Variants in MLLT1 observed in about 807,000 individuals in gnomAD.
MLLT1 encodes protein ENL.
MLLT1 carries 11 observed loss-of-function variants against 55.1 expected under a neutral mutation model. The ratio of observed to expected loss-of-function variants is 0.20; its 90% CI spans 0.13 to 0.33. MLLT1 has a LOEUF of 0.33. Ranked by LOEUF, MLLT1 falls within the 10% of genes least tolerant of loss-of-function variation. MLLT1 has a pLI of 1.00. For missense variants in MLLT1, 536 were observed against 760.6 expected, an observed-to-expected ratio of 0.70 and a Z score of 3.47; for synonymous variants, 323 against 320.1, an observed-to-expected ratio of 1.01 and a Z score of -0.10.
At position 6,270,598 on chromosome 19, in the gene MLLT1, G is replaced by A; in HGVS notation, c.174C>T (p.Ser58=). 6.2e-7 allele frequency: 1 copy of A among 1,613,100 alleles called. No individual in the cohort carries two copies. Among genetic ancestry groups the A allele is most frequent in the Non-Finnish European group, 8.5e-7 (1 of 1,179,458 alleles). The part of the protein sequence containing the change: ...VEKVVFWLHD[S]FPKPRRVCKE... ...ACTCACCGCGTCTGGGCTTGGGGAA[G>A]CTGTCGTGCAGCCAGAAGACCACCT... Residue 58 remains serine (S), a synonymous_variant, in exon 2 of 12, where the codon AGC becomes AGT. Transcript: ENST00000252674. The surrounding 1 kb of genome is among the most constrained non-coding windows in gnomAD (Gnocchi z 7.1).
chr19:6,266,197 A>G (rs2091347998), intron 2 of MLLT1, among the ~76,000 whole-genome samples: 1 of 150,972 alleles, frequency 6.6e-6, no homozygotes, highest in Non-Finnish European at 1.5e-5. Context: ...GGACTGCTTC[A>G]GCCCAAAGGT....
intron 10 of MLLT1, 98 bp from the exon 11 acceptor site, chr19:6,213,506 G>C: frequency 8.5e-7 from 1 of 1,176,996 alleles, no homozygotes; most frequent in Non-Finnish European, 1.3e-6. Flanking sequence ...TCCCAGCACA[G>C]GACAGAGGTA....
Position 6,232,786 on chromosome 19 carries a change from T to C in MLLT1, c.277-2073A>G, listed in dbSNP as rs1409755603. On this transcript the variant is annotated intron_variant, in intron 3 of 11. Transcript: ENST00000252674. Reference sequence around the variant, plus strand: ...TGCTGGAATTTAAAACTTGTGATGATTGCACAACACTGTGAATGTACTAAA... The same window carrying C: ...TGCTGGAATTTAAAACTTGTGATGACTGCACAACACTGTGAATGTACTAAA... 3.3e-5 allele frequency among the ~76,000 whole-genome samples: 5 copies of C among 152,290 alleles called. No individual in the cohort carries two copies. The South Asian group carries it at 8.3e-4, about 25-fold the overall frequency.
rs547351863 is a variant in MLLT1, at chr19:6,223,226, G to A, written c.547-542C>T. On this transcript the variant is annotated intron_variant, in intron 5 of 11. Coordinates refer to ENST00000252674, the MANE Select transcript of MLLT1 (RefSeq NM_005934.4). The stretch of plus-strand genomic sequence containing the variant: ...CTCTCCCCAGGACTCCACACCCCCA[G>A]GGTCCAGCCAGCTCAGGCCTGGCTT... 1.3e-3 allele frequency among the ~76,000 whole-genome samples: 194 copies of A among 152,310 alleles called. 2 individuals are homozygous for A. The highest frequency in any genetic ancestry group is 2.4e-3 in the Non-Finnish European group (160 of 68,000).
chr19:6,216,598 G>C (rs1021928985), intron 7 of MLLT1, 85 bp from the exon 8 acceptor site: 3 of 959,316 alleles, frequency 3.1e-6, no homozygotes, highest in Admixed American at 4.7e-5. Context: ...AGGCCACGCA[G>C]AGCTTCTTGA....
chr19:6,265,045 AAAACAAAAAAACAAAAAAAC>A (rs1376478151), intron 2 of MLLT1, among the ~76,000 whole-genome samples: 11 of 56,362 alleles, frequency 2.0e-4, no homozygotes, highest in East Asian at 6.4e-4. Flanking sequence ...CAGCAAAAAA[AAAACAAAAAAACAAAAAAAC>A]AAAAAAAAAC....
chr19:6,216,669 G>A, intron 7 of MLLT1, 156 bp from the exon 8 acceptor site: 2 of 584,596 alleles, frequency 3.4e-6, no homozygotes, highest in Non-Finnish European at 6.0e-6. Context: ...CCATCTCTAA[G>A]AACTGCCCCC....
rs1414855664 is a variant in MLLT1, at chr19:6,273,125, C to T, written c.13-2366G>A. On this transcript the variant is annotated intron_variant, in intron 1 of 11. Coordinates refer to ENST00000252674, the MANE Select transcript of MLLT1 (RefSeq NM_005934.4). The surrounding 1 kb of genome is among the most constrained non-coding windows in gnomAD (Gnocchi z 4.3). The stretch of plus-strand genomic sequence containing the variant: ...GCCGGAGACAAAAGAAATAACCCGT[C>T]GTCATAAGTGGCTGACAGATATGGG... Among the ~76,000 whole-genome samples, 1 of 151,940 alleles carries T rather than the reference C, an allele frequency of 6.6e-6. No homozygotes were observed. The highest frequency in any genetic ancestry group is 1.5e-5 in the Non-Finnish European group (1 of 68,002).
intron 3 of MLLT1, among the ~76,000 whole-genome samples, chr19:6,254,713 G>T (rs968582301): frequency 1.3e-5 from 2 of 152,124 alleles, no homozygotes; most frequent in Non-Finnish European, 2.9e-5. Flanking sequence ...TCCTTAACCT[G>T]ATAAAGGGCA....
chr19:6,234,226 G>A (rs377506333), intron 3 of MLLT1, among the ~76,000 whole-genome samples: 8 of 152,230 alleles, frequency 5.3e-5, no homozygotes, highest in South Asian at 2.1e-4. Context: ...CGGGACCCCC[G>A]GGCTCCAGCA....
rs1246360526 is a variant in MLLT1, at chr19:6,226,823, G to A, written c.546+154C>T. On this transcript the variant is annotated intron_variant, in intron 5 of 11. Transcript: ENST00000252674. The surrounding 1 kb of genome is among the most constrained non-coding windows in gnomAD (Gnocchi z 6.3). Reference sequence around the variant, plus strand: ...TGAAATCCTAGGGAAGCGGCAGTGCGCAGCGAGGGGTGTGCAGAGAGCTCA... The same window carrying A: ...TGAAATCCTAGGGAAGCGGCAGTGCACAGCGAGGGGTGTGCAGAGAGCTCA... Among the ~76,000 whole-genome samples the A allele has an allele frequency of 2.0e-5, 3 of 152,036 alleles. No homozygotes were observed. The highest frequency in any genetic ancestry group is 4.4e-5 in the Non-Finnish European group (3 of 68,004).
rs560801657 is a variant in MLLT1 at position 6,261,456 on chromosome 19, C to T, written c.276+772G>A. On this transcript the variant is annotated intron_variant, in intron 3 of 11. Coordinates refer to ENST00000252674, the MANE Select transcript of MLLT1 (RefSeq NM_005934.4). ...CCGGGGACTCAGTAACCAAGCGGGG[C>T]GGCATCCACAGGCCTCCCAGGGACA... Among the ~76,000 whole-genome samples the T allele has an allele frequency of 8.1e-4, 123 of 152,166 alleles. 1 individual carries two copies. The highest frequency in any genetic ancestry group is 2.2e-3 in the Admixed American group (33 of 15,278).
chr19:6,236,403 C>T (rs557780022), intron 3 of MLLT1, among the ~76,000 whole-genome samples: 24 of 152,298 alleles, frequency 1.6e-4, no homozygotes, highest in African/African-American at 4.3e-4. Flanking sequence ...CAGCGCACCC[C>T]GGCAGAGGTT....
At chr19:6,236,483 C>T (rs761613297) in intron 3 of MLLT1, among the ~76,000 whole-genome samples, 16 of 152,096 alleles carry the variant, frequency 1.1e-4, no homozygotes, top group Non-Finnish European at 1.9e-4. Context: ...GCAGCCACGA[C>T]GAGGAGACCC....
intron 1 of MLLT1, among the ~76,000 whole-genome samples, chr19:6,277,342 G>A (rs1568300712): frequency 1.3e-5 from 2 of 152,212 alleles, no homozygotes; most frequent in Non-Finnish European, 2.9e-5. Flanking sequence ...CAAGGAGGGA[G>A]ACCATCACCA....
Position 6,211,024 on chromosome 19 carries a change from G to C in MLLT1, c.*2018C>G. 1 of 231,732 alleles carries C rather than the reference G, an allele frequency of 4.3e-6. No homozygotes were observed. Among genetic ancestry groups the C allele is most frequent in the Non-Finnish European group, 8.5e-6 (1 of 117,216 alleles). The allele number at this position is 231,732 out of a possible 1,614,324, so 14.4% of individuals were successfully genotyped here. On this transcript the variant is annotated 3_prime_UTR_variant, in exon 12 of 12. Coordinates refer to ENST00000252674, the MANE Select transcript of MLLT1 (RefSeq NM_005934.4). This position sits in a 1 kb window ranked among gnomAD's most constrained non-coding sequence, Gnocchi z 4.6. The stretch of plus-strand genomic sequence containing the variant: ...GGGAGCCCGACCCTCCTCTGGCTGA[G>C]TGGAAGGCTGCTCGAGTCGCTGTGT...
At chr19:6,252,429 A>G (rs186245186) in intron 3 of MLLT1, among the ~76,000 whole-genome samples, 23 of 152,318 alleles carry the variant, frequency 1.5e-4, no homozygotes, top group Admixed American at 1.3e-3. Context: ...GTATCTATCT[A>G]TCTGTCTCTC....
intron 1 of MLLT1, among the ~76,000 whole-genome samples, chr19:6,274,310 G>A (rs1454649151): frequency 1.3e-5 from 2 of 152,246 alleles, no homozygotes; most frequent in African/African-American, 2.4e-5. Flanking sequence ...CGGCCAACGC[G>A]TTTGACTTGT....
Position 6,220,838 on chromosome 19 carries a change from C to A in MLLT1, c.1110+1283G>T, listed in dbSNP as rs543373783. Reference sequence around the variant, plus strand: ...TCGGTGCCCAGCAGGCACCGCCAGGCCCTCCCACAGCTGGGAGGGCTACTG... The same window carrying A: ...TCGGTGCCCAGCAGGCACCGCCAGGACCTCCCACAGCTGGGAGGGCTACTG... On this transcript the variant is annotated intron_variant, in intron 6 of 11. Transcript: ENST00000252674. 2.0e-5 allele frequency among the ~76,000 whole-genome samples: 3 copies of A among 152,312 alleles called. No individual in the cohort carries two copies. The South Asian group carries it at 6.2e-4, about 32-fold the overall frequency.
Sources: gnomAD v4.1 joint callset for allele counts (sites outside exome capture counted in the v4.1 genomes callset) on GRCh38, gnomAD v4.1.1 for gene constraint, Gnocchi (gnomAD v3.1) non-coding constraint, MANE v1.5 for transcripts, NCBI Gene and HGNC (gene_info 2026-07-23, HGNC 2026-07-21) for gene names.